Variants in SPSB3 observed in about 807,000 individuals in gnomAD.
SPSB3 encodes splA/ryanodine receptor domain and SOCS box containing 3, also known as SPRY domain-containing SOCS box protein 3.
SPSB3 carries 18 observed loss-of-function variants against 29.5 expected under a neutral mutation model. The ratio of observed to expected loss-of-function variants is 0.61; its 90% CI spans 0.42 to 0.91. The LOEUF (loss-of-function observed/expected upper bound fraction) is 0.91, where lower values mean the gene tolerates loss of function less well. Ranked by LOEUF, SPSB3 falls within the 40% of genes least tolerant of loss-of-function variation. SPSB3 has a pLI of 0.00. For synonymous variants in SPSB3, 299 were observed against 214.1 expected, an observed-to-expected ratio of 1.40 and a Z score of -3.46; for missense variants, 540 against 507.5, an observed-to-expected ratio of 1.06 and a Z score of -0.61.
At chr16:1,781,615 C>T in intron 1 of SPSB3, 120 bp from the exon 2 acceptor site, 1 of 1,082,792 alleles carries the variant, frequency 9.2e-7, no homozygotes, top group Non-Finnish European at 1.3e-6. Context: ...CGGTGCCCAG[C>T]CAGGGCTCCA....
In SPSB3 at chr16:1,777,778, T is replaced by C. The variant is rs1474416041; in HGVS notation, c.690A>G (p.Thr230=). The change falls in exon 6 of 7, where the codon ACA becomes ACG. Residue 230 remains threonine (T), a synonymous_variant. Coordinates refer to ENST00000566339, the MANE Select transcript of SPSB3 (RefSeq NM_080861.4). ...ACTTCCTGTTCTTGAAAAAGGTGAG[T>C]GTGCCGTGCCAGGTGTCCAGGTGCA... ...IGVHLDTWHG[T]LTFFKNRKCI... is the part of the protein sequence containing the mutation. 1.9e-6 allele frequency: 3 copies of C among 1,612,680 alleles called. No individual in the cohort carries two copies. The highest frequency in any genetic ancestry group is 1.7e-5 in the Admixed American group (1 of 60,014).
chr16:1,777,610 AC>A, intron 6 of SPSB3, 136 bp downstream of exon 6: 1 of 1,446,498 alleles, frequency 6.9e-7, no homozygotes, highest in Non-Finnish European at 9.3e-7. Context: ...TCACTGTCCC[AC>A]CCCCTGGGAC....
chr16:1,777,229 C>G lies in SPSB3; in HGVS notation c.936G>C (p.Lys312Asn). The change falls in exon 7 of 7, where the codon AAG becomes AAC. Residue 312 changes from lysine to asparagine, a missense_variant. Transcript: ENST00000566339. ...PPGLKQVLHN[K>N]LGWVLSMSCS... is the part of the protein sequence containing the mutation. The stretch of plus-strand genomic sequence containing the variant: ...AACTCATGCTCAGGACCCAGCCCAG[C>G]TTGTTGTGTAGCACCTGCTTGAGGC... The G allele has an allele frequency of 6.2e-7, 1 of 1,610,900 alleles. No individual in the cohort carries two copies. Among genetic ancestry groups the G allele is most frequent in the Non-Finnish European group, 8.5e-7 (1 of 1,179,870 alleles).
intron 2 of SPSB3, chr16:1,780,098 A>T (rs905753237): frequency 2.0e-5 from 3 of 152,272 alleles, no homozygotes; most frequent in African/African-American, 7.3e-5. Flanking sequence ...GACAGCAGAG[A>T]GCAGCACCAG....
chr16:1,777,924 C>T (rs2042738555), intron 5 of SPSB3, 22 bp downstream of exon 5: 2 of 1,612,032 alleles, frequency 1.2e-6, no homozygotes, highest in Non-Finnish European at 8.5e-7. Flanking sequence ...CTCGGCCCCG[C>T]CCCACCCTGG....
rs777394709 is a variant in SPSB3, at chr16:1,778,156, G to A, written c.470C>T (p.Ser157Phe). 3.1e-6 allele frequency: 5 copies of A among 1,612,780 alleles called. No homozygotes were observed. The highest frequency in any genetic ancestry group is 2.2e-5 in the East Asian group (1 of 44,876). ...GQHFWEIKMT[S>F]PVYGTDMMVG... Reference sequence around the variant, plus strand: ...TACCATGTCGGTGCCGTAGACGGGAGAGGTCATCTTGATCTCCCAGAAGTG... The same window carrying A: ...TACCATGTCGGTGCCGTAGACGGGAAAGGTCATCTTGATCTCCCAGAAGTG... The change falls in exon 4 of 7, where the codon TCT becomes TTT. Residue 157 changes from serine (S) to phenylalanine (F), a missense_variant. Ser to Phe is a radical substitution (Grantham distance 155, BLOSUM62 -2). Transcript: ENST00000566339.
In SPSB3 at chr16:1,777,376, G is replaced by A. The variant is rs1453051172; in HGVS notation, c.789C>T (p.Ser263=). ...YPMVCSTAAR[S]SMKVTRSCAS... ...CACAGGAGCGGGTGACCTTCATGCT[G>A]CTCCGGGCCGCCGTGGAGCACACCA... The change falls in exon 7 of 7, where the codon AGC becomes AGT. Residue 263 remains serine (S), a synonymous_variant. Transcript: ENST00000566339. The A allele has an allele frequency of 6.9e-6, 11 of 1,599,486 alleles. No homozygotes were observed. Among genetic ancestry groups the A allele is most frequent in the Non-Finnish European group, 9.4e-6 (11 of 1,175,342 alleles).
chr16:1,778,248 G>A lies in SPSB3; in HGVS notation c.378C>T (p.Ser126=), dbSNP rs1483170622. Residue 126 remains serine (S), a synonymous_variant, in exon 4 of 7, where the codon AGC becomes AGT. Transcript: ENST00000566339. ...TLLSCDNRKV[S]FHMEYSCGTA... ...TGCCGCAGCTGTACTCCATGTGGAA[G>A]CTGACCTTACGGTTGTCACAGCTCA... 3 of 1,612,888 alleles carry A rather than the reference G, an allele frequency of 1.9e-6. No individual in the cohort carries two copies. Among genetic ancestry groups the A allele is most frequent in the African/African-American group, 1.3e-5 (1 of 74,940 alleles).
In SPSB3 at chr16:1,781,431, G is replaced by A. The variant is rs1430930909; in HGVS notation, c.53C>T (p.Ala18Val). The A allele has an allele frequency of 2.5e-6, 4 of 1,612,826 alleles. No individual in the cohort carries two copies. Among genetic ancestry groups the A allele is most frequent in the Non-Finnish European group, 3.4e-6 (4 of 1,180,016 alleles). The change falls in exon 2 of 7, where the codon GCC becomes GTC. Residue 18 changes from alanine to valine, a missense_variant. Transcript: ENST00000566339. ...SRAWHFVLSA[A>V]RRDADARAVA... Reference sequence around the variant, plus strand: ...GGCCCGGGCATCTGCGTCTCGGCGGGCTGCACTCAGGACGAAGTGCCAGGC... The same window carrying A: ...GGCCCGGGCATCTGCGTCTCGGCGGACTGCACTCAGGACGAAGTGCCAGGC...
In SPSB3 at chr16:1,777,073, A is replaced by G; in HGVS notation, c.*24T>C. On this transcript the variant is annotated 3_prime_UTR_variant, in exon 7 of 7. Coordinates refer to ENST00000566339, the MANE Select transcript of SPSB3 (RefSeq NM_080861.4). ...AGGAAAGGGGCTGTCCCAGCCCAAG[A>G]AGGCAGTTCCACTGGGAAGTCAGTC... is the stretch of plus-strand genomic sequence containing the variant. 1 of 1,604,374 alleles carries G rather than the reference A, an allele frequency of 6.2e-7. No homozygotes were observed. The highest frequency in any genetic ancestry group is 2.2e-5 in the East Asian group (1 of 44,764).
Position 1,778,214 on chromosome 16 carries a change from T to A in SPSB3, c.412A>T (p.Ile138Phe). The stretch of plus-strand genomic sequence containing the variant: ...TCCCCCAGCTCCTTGGTGCCCCGGA[T>A]GGCCGCTGTGCCGCAGCTGTACTCC... ...HMEYSCGTAA[I>F]RGTKELGEGQ... is the part of the protein sequence containing the mutation. The change falls in exon 4 of 7, where the codon ATC (isoleucine) becomes TTC (phenylalanine). Residue 138 changes from isoleucine (I) to phenylalanine (F), a missense_variant. Transcript: ENST00000566339. The A allele has an allele frequency of 6.2e-7, 1 of 1,612,990 alleles. No homozygotes were observed. Among genetic ancestry groups the A allele is most frequent in the Non-Finnish European group, 8.5e-7 (1 of 1,179,964 alleles).
At position 1,777,989 on chromosome 16, in the gene SPSB3, GC is replaced by G. The variant is rs1412397620; in HGVS notation, c.551del (p.Ser184ThrfsTer57). 2.5e-6 allele frequency: 4 copies of G among 1,613,158 alleles called. No individual in the cohort carries two copies. Among genetic ancestry groups the G allele is most frequent in the African/African-American group, 1.3e-5 (1 of 75,008 alleles). ...AGCTGTCCTCATCCCTGCCCAGCAG[GC>G]TGCAGAACGTGTGGCGGTATTTGTC... ...DLDKYRHTFCSLLGRDEDSWG... is the reference protein window; with the variant it reads ...DLDKYRHTFCXLLGRDEDSWG... On this transcript the variant is annotated frameshift_variant, in exon 5 of 7. Transcript: ENST00000566339. LOFTEE classifies it high-confidence loss of function.
Position 1,781,382 on chromosome 16 carries a change from G to C in SPSB3, c.102C>G (p.Asn34Lys), listed in dbSNP as rs764962872. ...CCTGCCCATCAGAGTCGTAGCCCCA[G>C]TTAGTGGAGCCTGCTAGAGCCACGG... ...ARAVALAGST[N>K]WGYDSDGQHS... The change falls in exon 2 of 7, where the codon AAC becomes AAG. Residue 34 changes from asparagine to lysine, a missense_variant. By Grantham distance (94) the Asn-to-Lys change is moderately conservative (BLOSUM62 0). Coordinates refer to ENST00000566339, the MANE Select transcript of SPSB3 (RefSeq NM_080861.4). 6.2e-7 allele frequency: 1 copy of C among 1,612,870 alleles called. No homozygotes were observed. Among genetic ancestry groups the C allele is most frequent in the East Asian group, 2.2e-5 (1 of 44,884 alleles).
chr16:1,776,840 G>A lies in SPSB3; in HGVS notation c.*257C>T. ...TGTGGGAACAGCAACGCGGGCTCCA[G>A]CCAGGCTCTCGTCCTCGCAGCCTCC... is the stretch of plus-strand genomic sequence containing the variant. On this transcript the variant is annotated 3_prime_UTR_variant, in exon 7 of 7. Coordinates refer to ENST00000566339, the MANE Select transcript of SPSB3 (RefSeq NM_080861.4). 1 of 538,334 alleles carries A rather than the reference G, an allele frequency of 1.9e-6. No homozygotes were observed. 33.3% of individuals were successfully genotyped at this position (538,334 alleles called of 1,614,324 possible). A position where few individuals can be genotyped will look rare whatever the true frequency, so the allele number is the denominator to read the frequency against.
rs1210897438 is a variant in SPSB3, at chr16:1,777,032, GAGAA to G, written c.*61_*64del. ...GGAGTGTGGCTGGAAGGAAGGGACA[GAGAA>G]AGAAGGGACAGAGGAAAGGGGCTGT... On this transcript the variant is annotated 3_prime_UTR_variant, in exon 7 of 7. Coordinates refer to ENST00000566339, the MANE Select transcript of SPSB3 (RefSeq NM_080861.4). 3.9e-6 allele frequency: 6 copies of G among 1,539,808 alleles called. No homozygotes were observed. Among genetic ancestry groups the G allele is most frequent in the Non-Finnish European group, 5.3e-6 (6 of 1,135,580 alleles).
In SPSB3 at chr16:1,778,179, G is replaced by A. The variant is rs763479942; in HGVS notation, c.447C>T (p.His149=). 4.3e-6 allele frequency: 7 copies of A among 1,613,036 alleles called. No homozygotes were observed. Among genetic ancestry groups the A allele is most frequent in the South Asian group, 2.2e-5 (2 of 91,082 alleles). The change falls in exon 4 of 7, where the codon CAC becomes CAT. Residue 149 remains histidine, a synonymous_variant. Coordinates refer to ENST00000566339, the MANE Select transcript of SPSB3 (RefSeq NM_080861.4). ...RGTKELGEGQ[H]FWEIKMTSPV... ...GAGAGGTCATCTTGATCTCCCAGAA[G>A]TGCTGGCCCTCCCCCAGCTCCTTGG...
At chr16:1,781,171 T>C (rs1224166752) in intron 2 of SPSB3, 187 bp downstream of exon 2, 11 of 1,532,948 alleles carry the variant, frequency 7.2e-6, no homozygotes, top group Non-Finnish European at 9.6e-6. Flanking sequence ...TGTGTGTCCT[T>C]TGCCAAATTA....
At position 1,778,442 on chromosome 16, in the gene SPSB3, TTCC is replaced by T; in HGVS notation, c.294_296del (p.Glu99del). 1 of 1,609,594 alleles carries T rather than the reference TTCC, an allele frequency of 6.2e-7. No individual in the cohort carries two copies. Among genetic ancestry groups the T allele is most frequent in the Non-Finnish European group, 8.5e-7 (1 of 1,178,290 alleles). On this transcript the variant is annotated inframe_deletion, in exon 3 of 7. Coordinates refer to ENST00000566339, the MANE Select transcript of SPSB3 (RefSeq NM_080861.4). ...GCTGGGCCCCACGCTCACACTCGTC[TTCC>T]TCTCCGCAGCGGCAGTCCCTGCCCC...
intron 2 of SPSB3, chr16:1,780,905 T>A (rs566247721): frequency 3.3e-5 from 11 of 332,178 alleles, no homozygotes; most frequent in Admixed American, 1.3e-4. Context: ...ACACATTTTT[T>A]AAATTTTTGT....
Sources: gnomAD v4.1 joint callset for allele counts on GRCh38, gnomAD v4.1.1 for gene constraint, MANE v1.5 for transcripts, NCBI Gene and HGNC (gene_info 2026-07-23, HGNC 2026-07-21) for gene names.